Variants in ZNF479 observed in about 807,000 individuals in gnomAD.
ZNF479 encodes KRAB zinc finger protein KR19.
ZNF479 carries 15 observed loss-of-function variants against 14.7 expected under a neutral mutation model. The observed-to-expected ratio is 1.02, with a 90% CI of 0.68 to 1.57. The LOEUF is 1.57. Among genes scored for constraint, ZNF479 ranks in the 40% most tolerant of loss-of-function variants. The pLI, the probability that ZNF479 is intolerant of heterozygous loss-of-function variation, is 0.00. For synonymous variants in ZNF479, 145 were observed against 211.5 expected (o/e 0.69, Z 2.73); for missense variants, 506 against 615.1 (o/e 0.82, Z 1.88).
intron 3 of ZNF479, among the ~76,000 whole-genome samples, chr7:57,122,337 G>A (rs1376314872): frequency 1.5e-5 from 2 of 135,306 alleles, no homozygotes; most frequent in Non-Finnish European, 3.4e-5. Flanking sequence ...CTTCCAGAAT[G>A]AATAAATGCT....
At chr7:57,131,646 C>T (rs1786427339) in intron 1 of ZNF479, among the ~76,000 whole-genome samples, 2 of 151,944 alleles carry the variant, frequency 1.3e-5, no homozygotes, top group Non-Finnish European at 2.9e-5. Context: ...CCTAGGCAAC[C>T]ACAGACTGCC....
intron 1 of ZNF479, among the ~76,000 whole-genome samples, chr7:57,130,472 T>TAA (rs59582725): frequency 7.0e-6 from 1 of 143,098 alleles, no homozygotes; most frequent in African/African-American, 2.5e-5. Context: ...AACTCTGTCT[T>TAA]AAAAAAAAAA....
chr7:57,124,297 A>G (rs1348709060), intron 3 of ZNF479, among the ~76,000 whole-genome samples: 1 of 152,220 alleles, frequency 6.6e-6, no homozygotes, highest in Admixed American at 6.5e-5. Context: ...CAAAATAGAA[A>G]GCCCAGCAAT....
chr7:57,134,487 T>C (rs1354544138), upstream of ZNF479, among the ~76,000 whole-genome samples: 1 of 152,132 alleles, frequency 6.6e-6, no homozygotes, highest in African/African-American at 2.4e-5. Context: ...CTTGTAAAAC[T>C]CATGAATAAT....
At chr7:57,125,188 A>G (rs1786104702) in intron 3 of ZNF479, among the ~76,000 whole-genome samples, 2 of 152,242 alleles carry the variant, frequency 1.3e-5, no homozygotes, top group African/African-American at 4.8e-5. Flanking sequence ...AATGCAAAAC[A>G]TAATCACAAT....
At chr7:57,128,719 T>C (rs1033890526) in intron 1 of ZNF479, among the ~76,000 whole-genome samples, 12 of 152,160 alleles carry the variant, frequency 7.9e-5, no homozygotes, top group African/African-American at 2.2e-4. Flanking sequence ...ATCATAAAAA[T>C]CACAAAAAAT....
chr7:57,126,915 A>C (rs1206123045), intron 1 of ZNF479, among the ~76,000 whole-genome samples, 197 bp from the exon 2 acceptor site: 5 of 152,212 alleles, frequency 3.3e-5, no homozygotes. Flanking sequence ...AGAGGATAGC[A>C]TAAGATCCAC....
Position 57,119,621 on chromosome 7 carries a change from A to T in ZNF479, c.*219T>A, listed in dbSNP as rs537500331. ...GACTCCAACTCAAAAAAATTTTTTT[A>T]AAATAAATTCTCTTAGGTTTATTAA... On this transcript the variant is annotated 3_prime_UTR_variant, in exon 4 of 4. Coordinates refer to ENST00000319636, the MANE Select transcript of ZNF479 (RefSeq NM_001370129.2). 43 of 532,084 alleles carry T rather than the reference A, an allele frequency of 8.1e-5. No individual in the cohort carries two copies. Among genetic ancestry groups the T allele is most frequent in the African/African-American group, 3.1e-4 (16 of 51,944 alleles). 33.0% of individuals were successfully genotyped at this position (532,084 alleles called of 1,614,324 possible). A position where few individuals can be genotyped will look rare whatever the true frequency, so the allele number is the denominator to read the frequency against.
chr7:57,136,191 C>T (rs1169142346), upstream of ZNF479, among the ~76,000 whole-genome samples: 2 of 151,924 alleles, frequency 1.3e-5, no homozygotes, highest in South Asian at 4.2e-4. Flanking sequence ...GAAGACCAGC[C>T]CGGCCAACAT....
At chr7:57,125,238 A>G (rs1344422391) in intron 3 of ZNF479, among the ~76,000 whole-genome samples, 2 of 152,186 alleles carry the variant, frequency 1.3e-5, no homozygotes, top group Non-Finnish European at 2.9e-5. Context: ...GATGGCCACT[A>G]TAAATTTTTT....
chr7:57,128,399 T>G (rs1056907033), intron 1 of ZNF479, among the ~76,000 whole-genome samples: 19 of 152,198 alleles, frequency 1.2e-4, no homozygotes, highest in African/African-American at 4.6e-4. Context: ...GTGTAATAAA[T>G]GCCACCCTGT....
chr7:57,128,981 A>G (rs932513010), intron 1 of ZNF479, among the ~76,000 whole-genome samples: 6 of 152,162 alleles, frequency 3.9e-5, no homozygotes, highest in African/African-American at 1.4e-4. Context: ...ACCTGCTACC[A>G]CCACACACAC....
chr7:57,135,569 C>A (rs568229370), upstream of ZNF479, among the ~76,000 whole-genome samples: 2 of 152,058 alleles, frequency 1.3e-5, no homozygotes, highest in Admixed American at 6.6e-5. Context: ...CCCACCACCA[C>A]ACCTGGCTAA....
At chr7:57,132,930 G>A (rs556542854), upstream of ZNF479, among the ~76,000 whole-genome samples, 1 of 152,160 alleles carries the variant, frequency 6.6e-6, no homozygotes, top group African/African-American at 2.4e-5. Context: ...TAGTTCAGGA[G>A]TTCGAGACAG....
In ZNF479 at chr7:57,119,577, A is replaced by G; in HGVS notation, c.*263T>C. 2.5e-6 allele frequency: 1 copy of G among 396,984 alleles called. No individual in the cohort carries two copies. Among genetic ancestry groups the G allele is most frequent in the Non-Finnish European group, 4.7e-6 (1 of 214,674 alleles). The allele number at this position is 396,984 out of a possible 1,614,324, so 24.6% of individuals were successfully genotyped here. A position where few individuals can be genotyped will look rare whatever the true frequency, so the allele number is the denominator to read the frequency against. ...AGCTGAGATCATGACACTGCACTCC[A>G]GCCTGGGTGACACAGGGAGACTCCA... On this transcript the variant is annotated 3_prime_UTR_variant, in exon 4 of 4. Transcript: ENST00000319636.
At chr7:57,130,115 A>G (rs1421752304) in intron 1 of ZNF479, among the ~76,000 whole-genome samples, 1 of 152,236 alleles carries the variant, frequency 6.6e-6, no homozygotes, top group Admixed American at 6.5e-5. Context: ...AGAGCTCACA[A>G]AAGTCAAGAA....
At chr7:57,128,088 C>G (rs1329278834) in intron 1 of ZNF479, among the ~76,000 whole-genome samples, 1 of 151,854 alleles carries the variant, frequency 6.6e-6, no homozygotes, top group African/African-American at 2.4e-5. Flanking sequence ...GGTGCATGCA[C>G]CATGCCTGGC....
At chr7:57,133,173 G>A (rs1034274201), upstream of ZNF479, among the ~76,000 whole-genome samples, 4 of 152,096 alleles carry the variant, frequency 2.6e-5, no homozygotes, top group African/African-American at 9.7e-5. Flanking sequence ...TCAGGGCAGG[G>A]ACCGGGCAGG....
rs782298937 is a variant in ZNF479, at chr7:57,120,218, G to C, written c.1197C>G (p.His399Gln). ...GTCTCTCTCCAGTATGAATTCTCTT[G>C]TGGATAGTAAGTGCTGAGGAGCGCC... is the stretch of plus-strand genomic sequence containing the variant. ...DFRRSSALTI[H>Q]KRIHTGERPY... The change falls in exon 4 of 4, where the codon CAC becomes CAG. Residue 399 changes from histidine (H) to glutamine (Q), a missense_variant. His to Gln is a conservative substitution (Grantham distance 24). Around this residue, in one of 3 missense-constraint regions of ZNF479, gnomAD observed 420 missense variants for 474.2 expected, o/e 0.89. Coordinates refer to ENST00000319636, the MANE Select transcript of ZNF479 (RefSeq NM_001370129.2). 5 of 1,610,106 alleles carry C rather than the reference G, an allele frequency of 3.1e-6. No individual in the cohort carries two copies. In the Admixed American group the frequency reaches 8.4e-5, roughly 27 times the overall value.
Sources: gnomAD v4.1 joint callset for allele counts (sites outside exome capture counted in the v4.1 genomes callset) on GRCh38, gnomAD v4.1.1 for gene constraint, gnomAD v4.1.1 regional missense constraint, MANE v1.5 for transcripts, NCBI Gene and HGNC (gene_info 2026-07-23, HGNC 2026-07-21) for gene names.